The following BRWD3 variants were observed in gnomAD, a reference collection of about 807,000 sequenced individuals.
The protein encoded by BRWD3 is bromodomain and WD repeat domain containing 3.
BRWD3 carries 10 observed loss-of-function variants against 149.7 expected under a neutral mutation model. That is an observed-to-expected ratio of 0.07 (90% CI 0.04 to 0.11). The LOEUF is 0.11. Among genes scored for constraint, BRWD3 ranks in the 10% least tolerant of loss-of-function variants. The probability of loss-of-function intolerance (pLI) is 1.00; values close to 1 mark genes in which losing one functional copy is unlikely to be tolerated. For missense variants in BRWD3, 940 were observed against 1,373.2 expected, an observed-to-expected ratio of 0.68 and a Z score of 4.99; for synonymous variants, 504 against 456.7, an observed-to-expected ratio of 1.10 and a Z score of -1.32.
In BRWD3 at chrX:80,696,714, C is replaced by G. The variant is rs777283062; in HGVS notation, c.3068+25G>C. The G allele has an allele frequency of 5.0e-6, 6 of 1,206,533 alleles. No individual in the cohort carries two copies. The Admixed American group carries it at 1.3e-4, about 26-fold the overall frequency. On this transcript the variant is annotated intron_variant, in intron 26 of 40. Coordinates refer to ENST00000373275, the MANE Select transcript of BRWD3 (RefSeq NM_153252.5). ...AGGTATTAAAATACACACACTCAAACAGAGACTCAGAGATAACTACTCACT... is the reference window on the plus strand; with the variant it reads ...AGGTATTAAAATACACACACTCAAAGAGAGACTCAGAGATAACTACTCACT...
At chrX:80,717,839 G>T in intron 18 of BRWD3, 80 bp from the exon 19 acceptor site, 1 of 897,348 alleles carries the variant, frequency 1.1e-6, no homozygotes. Context: ...AAATAAAACA[G>T]TAGATTCAAA....
rs900766422 is a variant in BRWD3 at position 80,671,829 on chromosome X, T to A, written c.*4780A>T. 1 of 111,906 alleles carries A rather than the reference T, an allele frequency of 8.9e-6. No homozygotes were observed. The highest frequency in any genetic ancestry group is 1.9e-5 in the Non-Finnish European group (1 of 53,159). The allele number at this position is 111,906 out of a possible 1,213,427, so 9.2% of individuals were successfully genotyped here. A position where few individuals can be genotyped will look rare whatever the true frequency, so the allele number is the denominator to read the frequency against. On this transcript the variant is annotated 3_prime_UTR_variant, in exon 41 of 41. Transcript: ENST00000373275. The stretch of plus-strand genomic sequence containing the variant: ...AAGGTACAGTTATGTTAATACTGTG[T>A]AAGACATTACAAAAGACAAGAATGA...
At chrX:80,701,545 CAAAAAAAAAAAAAAA>C (rs140140883) in intron 24 of BRWD3, among the ~76,000 whole-genome samples, 2 of 24,167 alleles carry the variant, frequency 8.3e-5, no homozygotes, top group African/African-American at 1.8e-4. Context: ...CGAGACTCGT[CAAAAAAAAAAAAAAA>C]AAAAAAAAAA....
At chrX:80,726,080 CTG>C (rs2073232222) in intron 14 of BRWD3, among the ~76,000 whole-genome samples, 2 of 93,939 alleles carry the variant, frequency 2.1e-5, no homozygotes, top group Non-Finnish European at 4.3e-5. Flanking sequence ...TACATGTTGT[CTG>C]TATAACAACA....
chrX:80,768,300 G>C (rs772147378), intron 6 of BRWD3, among the ~76,000 whole-genome samples: 6 of 111,025 alleles, frequency 5.4e-5, no homozygotes, highest in Non-Finnish European at 1.1e-4. Flanking sequence ...AGGTTGAAAG[G>C]AAGGAAAAAA....
chrX:80,717,736 T>A lies in BRWD3; in HGVS notation c.2068A>T (p.Ile690Leu). The A allele has an allele frequency of 8.3e-7, 1 of 1,211,255 alleles. No homozygotes were observed. The highest frequency in any genetic ancestry group is 2.3e-4 in the Middle Eastern group (1 of 4,353). Residue 690 changes from isoleucine (I) to leucine (L), a missense_variant, in exon 19 of 41, where the codon ATA (isoleucine) becomes TTA (leucine). By Grantham distance (5) the Ile-to-Leu change is conservative. Transcript: ENST00000373275. ...AGCCTGATGTTTGGGGAAGAAGATA[T>A]GTCCATGTTTGGACTTCTCAGAGCT... ...NGALRSPNMD[I>L]SSSPNIRLRR...
intron 28 of BRWD3, 88 bp from the exon 29 acceptor site, chrX:80,692,238 G>T: frequency 2.3e-6 from 2 of 874,329 alleles, no homozygotes; most frequent in Non-Finnish European, 3.3e-6. Flanking sequence ...CTTCTTGGGG[G>T]TGAAATTTGA....
At chrX:80,803,121 A>G (rs1035184001) in intron 4 of BRWD3, among the ~76,000 whole-genome samples, 3 of 43,179 alleles carry the variant, frequency 6.9e-5, no homozygotes, top group South Asian at 1.1e-3. Context: ...AAAAAAAAAA[A>G]AAAAGAAATG....
At chrX:80,732,152 G>A (rs2073342918) in intron 12 of BRWD3, among the ~76,000 whole-genome samples, 1 of 111,401 alleles carries the variant, frequency 9.0e-6, no homozygotes, top group Non-Finnish European at 1.9e-5. Flanking sequence ...GTTTAGACTT[G>A]GGTTCCATCT....
chrX:80,793,507 G>T, intron 5 of BRWD3, 115 bp downstream of exon 5: 1 of 818,265 alleles, frequency 1.2e-6, no homozygotes, highest in South Asian at 2.8e-5. Context: ...AACAACATTG[G>T]CAAGATAAGA....
intron 40 of BRWD3, among the ~76,000 whole-genome samples, chrX:80,680,534 T>C (rs892404626): frequency 9.0e-6 from 1 of 111,703 alleles, no homozygotes; most frequent in African/African-American, 3.3e-5. Flanking sequence ...GACTTTGTGA[T>C]ATAGCAGGCC....
chrX:80,779,358 T>C (rs775264238), intron 6 of BRWD3, among the ~76,000 whole-genome samples: 1 of 110,337 alleles, frequency 9.1e-6, no homozygotes, highest in South Asian at 3.8e-4. Flanking sequence ...ATCCTCTGAT[T>C]GGTTAAAGTG....
intron 11 of BRWD3, 52 bp downstream of exon 11, chrX:80,734,066 A>C: frequency 1.2e-6 from 1 of 863,388 alleles, no homozygotes; most frequent in Non-Finnish European, 1.7e-6. Flanking sequence ...AAATGAAATA[A>C]GCTTTCCAAG....
chrX:80,734,883 G>A (rs1055853758), intron 10 of BRWD3, among the ~76,000 whole-genome samples: 10 of 109,688 alleles, frequency 9.1e-5, no homozygotes, highest in African/African-American at 3.3e-4. Flanking sequence ...AGAGTAGGGG[G>A]TCTGTTTTTT....
chrX:80,732,134 T>A (rs1172129396), intron 12 of BRWD3, among the ~76,000 whole-genome samples: 2 of 111,275 alleles, frequency 1.8e-5, no homozygotes, highest in African/African-American at 6.5e-5. Flanking sequence ...GAAACATAAA[T>A]GAACTGTGTT....
At chrX:80,707,558 C>T (rs2072885275) in intron 21 of BRWD3, 55 bp from the exon 22 acceptor site, 1 of 1,110,676 alleles carries the variant, frequency 9.0e-7, no homozygotes, top group South Asian at 1.9e-5. Context: ...TAATGTATTT[C>T]TAATTAAAAA....
intron 6 of BRWD3, among the ~76,000 whole-genome samples, chrX:80,760,493 G>C (rs1164776376): frequency 9.0e-6 from 1 of 111,706 alleles, no homozygotes; most frequent in African/African-American, 3.2e-5. Context: ...TAGAAATTAA[G>C]AACACTGAAT....
chrX:80,694,348 T>C (rs2072651422), intron 27 of BRWD3, among the ~76,000 whole-genome samples: 1 of 111,902 alleles, frequency 8.9e-6, no homozygotes, highest in African/African-American at 3.3e-5. Flanking sequence ...GAATCTCTGC[T>C]AGGGCAGTGC....
intron 14 of BRWD3, 53 bp from the exon 15 acceptor site, chrX:80,725,120 T>C (rs2073198644): frequency 2.6e-6 from 3 of 1,166,171 alleles, no homozygotes; most frequent in Non-Finnish European, 3.5e-6. Flanking sequence ...GTTTGGTTCA[T>C]TTGGTAAAAA....
Sources: allele counts gnomAD v4.1 joint callset (sites outside exome capture counted in the v4.1 genomes callset), GRCh38; gene constraint gnomAD v4.1.1; transcripts MANE v1.5; gene names NCBI Gene and HGNC (gene_info 2026-07-23, HGNC 2026-07-21).